CAMSAP1: variants seen among roughly 807,000 people sequenced by gnomAD.
The protein encoded by CAMSAP1 is calmodulin-regulated spectrin-associated protein 1.
CAMSAP1 carries 58 observed loss-of-function variants against 143.5 expected under a neutral mutation model. The observed-to-expected ratio is 0.40, with a 90% confidence interval of 0.33 to 0.50. The LOEUF (loss-of-function observed/expected upper bound fraction) is 0.50, where lower values mean the gene tolerates loss of function less well. CAMSAP1 is among the 20% of genes least tolerant of loss of function. CAMSAP1 has a pLI of 0.45. For synonymous variants in CAMSAP1, 945 were observed against 859.3 expected (o/e 1.10, Z -1.74); for missense variants, 1,969 against 2,115.7 (o/e 0.93, Z 1.36).
At chr9:135,865,408 C>G (rs1425441760) in intron 4 of CAMSAP1, 8 of 1,543,550 alleles carry the variant, frequency 5.2e-6, no homozygotes, top group Non-Finnish European at 7.0e-6. Context: ...GGAGCATCAG[C>G]AGAGCAGGTC....
intron 7 of CAMSAP1, among the ~76,000 whole-genome samples, chr9:135,849,438 G>A (rs1167234024): frequency 6.6e-6 from 1 of 152,224 alleles, no homozygotes; most frequent in Non-Finnish European, 1.5e-5. Context: ...CTTGATGACT[G>A]AGGCCAAGCA....
At chr9:135,843,315 G>A (rs749017738) in intron 7 of CAMSAP1, among the ~76,000 whole-genome samples, 1 of 151,982 alleles carries the variant, frequency 6.6e-6, no homozygotes, top group Non-Finnish European at 1.5e-5. Flanking sequence ...CAACAAGAGC[G>A]AAACTCCATC....
chr9:135,903,325 T>C (rs1838673162), intron 1 of CAMSAP1, among the ~76,000 whole-genome samples: 1 of 152,268 alleles, frequency 6.6e-6, no homozygotes, highest in African/African-American at 2.4e-5. Context: ...ACATGTCCAA[T>C]ACATTATTTC....
intron 3 of CAMSAP1, among the ~76,000 whole-genome samples, chr9:135,878,590 A>C (rs755171788): frequency 1.3e-5 from 2 of 152,222 alleles, no homozygotes; most frequent in Non-Finnish European, 2.9e-5. Context: ...AGCAATTTCC[A>C]ATGGGGAGAA....
intron 3 of CAMSAP1, among the ~76,000 whole-genome samples, chr9:135,879,599 A>G (rs1837867932): frequency 6.6e-6 from 1 of 152,092 alleles, no homozygotes; most frequent in Non-Finnish European, 1.5e-5. Context: ...ATGGGAAGAC[A>G]TGGGAAAAGA....
At chr9:135,862,106 T>A (rs1333930376) in intron 5 of CAMSAP1, among the ~76,000 whole-genome samples, 1 of 152,160 alleles carries the variant, frequency 6.6e-6, no homozygotes, top group Non-Finnish European at 1.5e-5. Context: ...TCACAAATAC[T>A]TTCACACATT....
At position 135,826,459 on chromosome 9, in the gene CAMSAP1, A is replaced by AC. The variant is rs997123996; in HGVS notation, c.1223+947dup. The AC allele has an allele frequency of 1.0e-4, 15 of 150,582 alleles. No individual in the cohort carries two copies. Among genetic ancestry groups the AC allele is most frequent in the African/African-American group, 2.5e-4 (10 of 40,802 alleles). 9.3% of individuals were successfully genotyped at this position (150,582 alleles called of 1,614,324 possible). A position where few individuals can be genotyped will look rare whatever the true frequency, so the allele number is the denominator to read the frequency against. ...AGCTATGCCCCACCCCTGGGTGTGT[A>AC]CCCCCCCACCACTGCCTGTATCACA... On this transcript the variant is annotated intron_variant, in intron 8 of 16. Coordinates refer to ENST00000389532, the MANE Select transcript of CAMSAP1 (RefSeq NM_015447.4). This position sits in a 1 kb window ranked among gnomAD's most constrained non-coding sequence, Gnocchi z 4.4.
At chr9:135,905,309 C>G (rs1489345703) in intron 1 of CAMSAP1, among the ~76,000 whole-genome samples, 1 of 152,132 alleles carries the variant, frequency 6.6e-6, no homozygotes, top group Non-Finnish European at 1.5e-5. Context: ...AATGCCAAAG[C>G]TAAATGCAAT....
chr9:135,819,299 T>A (rs180685244), intron 11 of CAMSAP1, among the ~76,000 whole-genome samples, 153 bp from the exon 12 acceptor site: 12 of 152,286 alleles, frequency 7.9e-5, no homozygotes, highest in Admixed American at 7.8e-4. Context: ...GACTCTGAAA[T>A]ACGAATGAAG....
chr9:135,865,099 A>G, intron 4 of CAMSAP1: 1 of 554,688 alleles, frequency 1.8e-6, no homozygotes, highest in Admixed American at 3.3e-5. Context: ...CACTTAAAGA[A>G]GTAACTAGGA....
At position 135,808,610 on chromosome 9, in the gene CAMSAP1, C is replaced by T. The variant is rs1424815766; in HGVS notation, c.*2699G>A. ...GAATTATTCCACTTTTCAATTTTGCCTGAGTGAAGAATACAGTTTGGGCCT... is the reference window on the plus strand; with the variant it reads ...GAATTATTCCACTTTTCAATTTTGCTTGAGTGAAGAATACAGTTTGGGCCT... On this transcript the variant is annotated 3_prime_UTR_variant, in exon 17 of 17. Coordinates refer to ENST00000389532, the MANE Select transcript of CAMSAP1 (RefSeq NM_015447.4). 1.3e-5 allele frequency: 2 copies of T among 152,128 alleles called. No individual in the cohort carries two copies. Among genetic ancestry groups the T allele is most frequent in the Non-Finnish European group, 2.9e-5 (2 of 68,032 alleles). 9.4% of individuals were successfully genotyped at this position (152,128 alleles called of 1,614,324 possible).
At chr9:135,841,969 C>T (rs1482845326) in intron 7 of CAMSAP1, among the ~76,000 whole-genome samples, 1 of 152,126 alleles carries the variant, frequency 6.6e-6, no homozygotes, top group East Asian at 1.9e-4. Flanking sequence ...TCCTTGCCAG[C>T]AAGGGAACAA....
chr9:135,861,196 G>C (rs73559458), intron 5 of CAMSAP1, among the ~76,000 whole-genome samples: 2,752 of 152,148 alleles, frequency 0.018, 93 homozygotes, highest in African/African-American at 0.064. Flanking sequence ...AGGGCCAAAC[G>C]AACATGGAAA....
intron 1 of CAMSAP1, among the ~76,000 whole-genome samples, chr9:135,903,819 A>G (rs1327333567): frequency 6.6e-6 from 1 of 152,210 alleles, no homozygotes; most frequent in African/African-American, 2.4e-5. Flanking sequence ...ACATGGAGAC[A>G]TTCAAAAGAA....
At chr9:135,872,675 T>G (rs531412008) in intron 3 of CAMSAP1, among the ~76,000 whole-genome samples, 6 of 152,358 alleles carry the variant, frequency 3.9e-5, no homozygotes, top group Admixed American at 3.9e-4. Context: ...ACATACACCG[T>G]GCAGCCACTA....
intron 3 of CAMSAP1, among the ~76,000 whole-genome samples, chr9:135,866,841 T>G (rs190236500): frequency 1.2e-3 from 183 of 152,238 alleles, no homozygotes; most frequent in African/African-American, 4.2e-3. Flanking sequence ...ACACAAGTAC[T>G]GTCAAACAGC....
At position 135,815,183 on chromosome 9, in the gene CAMSAP1, AT is replaced by A; in HGVS notation, c.4419del (p.Lys1473AsnfsTer20). ...GCATTGTGAATAATCGGCTTGTTTGATTTACTACTGGGCTCCTTAAAGAGCT... is the reference window on the plus strand; with the variant it reads ...GCATTGTGAATAATCGGCTTGTTTGATTACTACTGGGCTCCTTAAAGAGCT... ...GPKLFKEPSSKSNKPIIHNAI... is the reference protein window; with the variant it reads ...GPKLFKEPSSXSNKPIIHNAI... On this transcript the variant is annotated frameshift_variant, in exon 16 of 17. Transcript: ENST00000389532. LOFTEE classifies it high-confidence loss of function. 6.2e-7 allele frequency: 1 copy of A among 1,613,674 alleles called. No individual in the cohort carries two copies. Among genetic ancestry groups the A allele is most frequent in the Non-Finnish European group, 8.5e-7 (1 of 1,179,812 alleles).
intron 1 of CAMSAP1, among the ~76,000 whole-genome samples, chr9:135,885,190 C>T (rs866783895): frequency 5.9e-4 from 90 of 152,278 alleles, no homozygotes; most frequent in African/African-American, 2.0e-3. Context: ...GGAAGGGGCA[C>T]TTCCTATCTC....
intron 3 of CAMSAP1, among the ~76,000 whole-genome samples, chr9:135,869,676 A>G (rs1301031230): frequency 6.6e-6 from 1 of 152,126 alleles, no homozygotes; most frequent in Non-Finnish European, 1.5e-5. Flanking sequence ...CAGCAATTCC[A>G]CCCCAGGTAC....
Sources: allele counts gnomAD v4.1 joint callset (sites outside exome capture counted in the v4.1 genomes callset), GRCh38; gene constraint gnomAD v4.1.1; non-coding constraint Gnocchi (gnomAD v3.1); transcripts MANE v1.5; gene names NCBI Gene and HGNC (gene_info 2026-07-23, HGNC 2026-07-21).